Variants in RORA observed in about 807,000 individuals in gnomAD.
RORA encodes RAR related orphan receptor A.
A neutral mutation model predicts 69.5 loss-of-function variants in RORA; 7 were observed. That is an observed-to-expected ratio of 0.10 (90% CI 0.06 to 0.19). The LOEUF is 0.19. Ranked by LOEUF, RORA falls within the 10% of genes least tolerant of loss-of-function variation. The pLI is 1.00. For missense variants in RORA, 457 were observed against 663.0 expected (o/e 0.69, Z 3.41); for synonymous variants, 261 against 240.8 (o/e 1.08, Z -0.78).
Position 60,755,299 on chromosome 15 carries a change from AC to A in RORA, c.167-76614del, listed in dbSNP as rs961329502. On this transcript the variant is annotated intron_variant, in intron 1 of 10. Coordinates refer to ENST00000335670, the MANE Select transcript of RORA (RefSeq NM_134261.3). ...GGTTTCCAGCTTCATCCATGTCCCT[AC>A]AAAGGACATGAACTCATCCTTTTTT... is the stretch of plus-strand genomic sequence containing the variant. Among the ~76,000 whole-genome samples the A allele has an allele frequency of 9.9e-5, 15 of 151,768 alleles. 2 individuals carry two copies. Among genetic ancestry groups the A allele is most frequent in the Admixed American group, 9.2e-4 (14 of 15,238 alleles).
chr15:60,614,855 A>G, intron 2 of RORA: 1 of 1,560,764 alleles, frequency 6.4e-7, no homozygotes, highest in Non-Finnish European at 8.8e-7. Context: ...TTACATACAT[A>G]TAGCTGCCTG....
intron 1 of RORA, among the ~76,000 whole-genome samples, chr15:61,016,493 G>T (rs568845483): frequency 5.3e-5 from 8 of 152,214 alleles, no homozygotes; most frequent in Non-Finnish European, 1.0e-4. Flanking sequence ...TGTACTCTGT[G>T]CATGTGGCTC....
intron 1 of RORA, among the ~76,000 whole-genome samples, chr15:60,931,347 T>C (rs896707149): frequency 5.3e-5 from 8 of 152,164 alleles, no homozygotes; most frequent in African/African-American, 1.9e-4. Flanking sequence ...AGCCCCTCCC[T>C]GCCCAAGCAC....
chr15:60,947,077 C>T (rs1004754145), intron 1 of RORA, among the ~76,000 whole-genome samples: 1 of 87,004 alleles, frequency 1.1e-5, no homozygotes, highest in Non-Finnish European at 3.1e-5. Flanking sequence ...GGGCCAGCCC[C>T]CGACCGGCCA....
chr15:61,109,686 G>C (rs74857038), intron 1 of RORA, among the ~76,000 whole-genome samples: 4,944 of 152,302 alleles, frequency 0.032, 269 homozygotes, highest in African/African-American at 0.11. Flanking sequence ...ATGCAGAATA[G>C]TACGCTTGTT....
In RORA at chr15:61,128,474, G is replaced by A. The variant is rs1303815300; in HGVS notation, c.166+100579C>T. Among the ~76,000 whole-genome samples the A allele has an allele frequency of 1.3e-5, 2 of 152,100 alleles. No homozygotes were observed. The highest frequency in any genetic ancestry group is 1.5e-5 in the Non-Finnish European group (1 of 68,022). On this transcript the variant is annotated intron_variant, in intron 1 of 10. Coordinates refer to ENST00000335670, the MANE Select transcript of RORA (RefSeq NM_134261.3). This position sits in a 1 kb window ranked among gnomAD's most constrained non-coding sequence, Gnocchi z 4.5. ...AGGGCCAGTCACTGGAATTCCCTGG[G>A]CATCCACACAAATGAATATAATTAC...
At chr15:60,692,288 G>C (rs1246499760) in intron 1 of RORA, among the ~76,000 whole-genome samples, 2 of 152,042 alleles carry the variant, frequency 1.3e-5, no homozygotes, top group African/African-American at 4.8e-5. Context: ...TAAATATTTA[G>C]TTTATTATTA....
intron 1 of RORA, among the ~76,000 whole-genome samples, chr15:60,685,556 G>A (rs180860022): frequency 1.8e-4 from 28 of 152,304 alleles, no homozygotes; most frequent in East Asian, 9.6e-4. Context: ...AGGCGGATCC[G>A]GAACACAGCC....
At chr15:60,861,266 GA>G (rs201036617) in intron 1 of RORA, among the ~76,000 whole-genome samples, 4 of 151,798 alleles carry the variant, frequency 2.6e-5, no homozygotes, top group African/African-American at 9.7e-5. Flanking sequence ...ACATATCTCA[GA>G]AAAAAAATGT....
At chr15:60,555,645 G>A (rs775899141) in intron 2 of RORA, among the ~76,000 whole-genome samples, 1 of 151,924 alleles carries the variant, frequency 6.6e-6, no homozygotes, top group Admixed American at 6.6e-5. Context: ...AAGCAGAATG[G>A]GGCCAATAAA....
intron 2 of RORA, among the ~76,000 whole-genome samples, chr15:60,656,339 G>A (rs557984095): frequency 9.8e-4 from 150 of 152,294 alleles, no homozygotes; most frequent in Admixed American, 2.0e-3. Flanking sequence ...ATGGTACAGC[G>A]AGTTTGGAGG....
intron 1 of RORA, among the ~76,000 whole-genome samples, chr15:61,138,718 A>C (rs1385997498): frequency 2.0e-5 from 3 of 152,042 alleles, no homozygotes; most frequent in Non-Finnish European, 2.9e-5. Context: ...CCCTCGGGAC[A>C]TCAAGAGGTG....
intron 1 of RORA, among the ~76,000 whole-genome samples, chr15:61,202,739 T>C (rs1316246601): frequency 6.6e-6 from 1 of 151,990 alleles, no homozygotes; most frequent in East Asian, 1.9e-4. Context: ...AAAAAGGAAC[T>C]TGCCATCTAC....
chr15:60,627,177 T>C, intron 2 of RORA: 4 of 1,449,160 alleles, frequency 2.8e-6, no homozygotes, highest in Non-Finnish European at 3.9e-6. Flanking sequence ...GGGTTGTGGG[T>C]GGTGGGGGGA....
At chr15:60,959,926 C>CCT (rs1484258555) in intron 1 of RORA, among the ~76,000 whole-genome samples, 1 of 152,166 alleles carries the variant, frequency 6.6e-6, no homozygotes, top group Non-Finnish European at 1.5e-5. Context: ...ATCTCTCTTT[C>CCT]CTGGCCTTGG....
chr15:61,026,305 G>A lies in RORA; in HGVS notation c.166+202748C>T, dbSNP rs114080767. 7.9e-3 allele frequency among the ~76,000 whole-genome samples: 1,208 copies of A among 152,318 alleles called. 16 individuals are homozygous for A. The highest frequency in any genetic ancestry group is 0.028 in the African/African-American group (1,157 of 41,564). On this transcript the variant is annotated intron_variant, in intron 1 of 10. Transcript: ENST00000335670. ...CCAGCCCAACAGCGAACGAGTTCACGAAATTATTAGATTCACCAAAGCATA... is the reference window on the plus strand; with the variant it reads ...CCAGCCCAACAGCGAACGAGTTCACAAAATTATTAGATTCACCAAAGCATA...
chr15:60,597,554 AT>A (rs2068702195), intron 2 of RORA, among the ~76,000 whole-genome samples: 46 of 21,450 alleles, frequency 2.1e-3, no homozygotes, highest in Non-Finnish European at 2.9e-3. Flanking sequence ...CACACAACAT[AT>A]ATATATATAT....
intron 1 of RORA, among the ~76,000 whole-genome samples, chr15:61,002,309 C>T (rs962963310): frequency 1.3e-5 from 2 of 152,044 alleles, no homozygotes; most frequent in Non-Finnish European, 2.9e-5. Context: ...GCATATGAAC[C>T]AATAAAGCTA....
intron 1 of RORA, among the ~76,000 whole-genome samples, chr15:61,059,356 G>T (rs1248168952): frequency 6.6e-6 from 1 of 152,072 alleles, no homozygotes; most frequent in Non-Finnish European, 1.5e-5. Context: ...ATGATCTCAG[G>T]TATCAGATGT....
Sources: gnomAD v4.1 joint callset for allele counts (sites outside exome capture counted in the v4.1 genomes callset) on GRCh38, gnomAD v4.1.1 for gene constraint, Gnocchi (gnomAD v3.1) non-coding constraint, MANE v1.5 for transcripts, NCBI Gene and HGNC (gene_info 2026-07-23, HGNC 2026-07-21) for gene names.